ZNHIT3: variants seen among roughly 807,000 people sequenced by gnomAD.
ZNHIT3 encodes zinc finger HIT-type containing 3.
Under a neutral mutation model 19.9 loss-of-function variants are expected in ZNHIT3, and 27 were observed. The ratio of observed to expected loss-of-function variants is 1.36; its 90% CI spans 1.00 to 1.87. The LOEUF (loss-of-function observed/expected upper bound fraction) is 1.87. ZNHIT3 is among the 40% of genes most tolerant of loss of function. ZNHIT3 has a pLI of 0.00. For synonymous variants in ZNHIT3, 81 were observed against 65.7 expected (o/e 1.23, Z -1.13); for missense variants, 215 against 185.6 (o/e 1.16, Z -0.92).
downstream of ZNHIT3, chr17:36,496,374 T>C (rs768098476): frequency 1.9e-6 from 3 of 1,613,946 alleles, no homozygotes; most frequent in Non-Finnish European, 2.5e-6. Context: ...CATACCGCAG[T>C]GGAGACTTTC....
chr17:36,486,800 C>G lies in ZNHIT3; in HGVS notation c.86+15C>G. Reference sequence around the variant, plus strand: ...CGCGTGCCCTAGTGAGCGGGGAGGTCGCGGGGTCCAGGGGCGCGGGTGTCC... The same window carrying G: ...CGCGTGCCCTAGTGAGCGGGGAGGTGGCGGGGTCCAGGGGCGCGGGTGTCC... On this transcript the variant is annotated intron_variant, in intron 1 of 4. Coordinates refer to ENST00000617429, the MANE Select transcript of ZNHIT3 (RefSeq NM_004773.4). The G allele has an allele frequency of 6.3e-7, 1 of 1,583,836 alleles. No homozygotes were observed. The highest frequency in any genetic ancestry group is 1.4e-5 in the African/African-American group (1 of 73,262).
downstream of ZNHIT3, among the ~76,000 whole-genome samples, chr17:36,497,334 AC>A (rs1210131465): frequency 2.0e-5 from 3 of 150,136 alleles, no homozygotes; most frequent in Admixed American, 6.6e-5. Flanking sequence ...AAAAAAAAAA[AC>A]CCACAGAGAA....
chr17:36,493,163 T>C (rs962279146), intron 3 of ZNHIT3: 2 of 521,514 alleles, frequency 3.8e-6, no homozygotes. Flanking sequence ...GGGTTTGCGG[T>C]GGGCCCTGCT....
chr17:36,492,978 G>A (rs1242883618), intron 3 of ZNHIT3, 79 bp downstream of exon 3: 7 of 1,343,986 alleles, frequency 5.2e-6, no homozygotes, highest in Non-Finnish European at 7.5e-6. Context: ...AGTGGGGCTG[G>A]TCAGGGAATC....
At chr17:36,488,225 T>C (rs903554284) in intron 2 of ZNHIT3, among the ~76,000 whole-genome samples, 1 of 151,700 alleles carries the variant, frequency 6.6e-6, no homozygotes, top group African/African-American at 2.4e-5. Flanking sequence ...CTCATTTGAG[T>C]TTATATATTG....
Position 36,493,955 on chromosome 17 carries a change from A to G in ZNHIT3, c.235A>G (p.Asn79Asp), listed in dbSNP as rs145157924. Residue 79 changes from asparagine to aspartate, a missense_variant, in exon 4 of 5, where the codon AAT (asparagine) becomes GAT (aspartate). Physicochemically the swap from Asn to Asp is conservative, Grantham distance 23 (BLOSUM62 1). Coordinates refer to ENST00000617429, the MANE Select transcript of ZNHIT3 (RefSeq NM_004773.4). ...TGATGACTCTATAGCTGATTTTCTC[A>G]ATAGTGATGAGGAAGAAGACAGAGT... ...DDDDSIADFL[N>D]SDEEEDRVSL... 1 of 1,613,816 alleles carries G rather than the reference A, an allele frequency of 6.2e-7. No homozygotes were observed. Among genetic ancestry groups the G allele is most frequent in the African/African-American group, 1.3e-5 (1 of 75,056 alleles).
chr17:36,498,535 T>C (rs374641047), downstream of ZNHIT3: 205 of 1,612,804 alleles, frequency 1.3e-4, 1 homozygote, highest in South Asian at 2.4e-4. Context: ...TCCAGCTCTT[T>C]AGCAGCAAGG....
rs760298652 is a variant in ZNHIT3 at position 36,486,758 on chromosome 17, A to G, written c.59A>G (p.Tyr20Cys). The G allele has an allele frequency of 1.3e-6, 2 of 1,576,684 alleles. No homozygotes were observed. Among genetic ancestry groups the G allele is most frequent in the African/African-American group, 2.7e-5 (2 of 72,856 alleles). Residue 20 changes from tyrosine to cysteine, a missense_variant, in exon 1 of 5, where the codon TAC becomes TGC. Tyr to Cys is a radical substitution (Grantham distance 194, BLOSUM62 -2). Coordinates refer to ENST00000617429, the MANE Select transcript of ZNHIT3 (RefSeq NM_004773.4). ...GTGATCTGCTTGGAGAAGCCCAAAT[A>G]CCGCTGTCCAGCCTGCCGCGTGCCC... The part of the protein sequence containing the change: ...VCVICLEKPK[Y>C]RCPACRVPYC...
intron 2 of ZNHIT3, chr17:36,490,076 G>A (rs1238810142): frequency 2.0e-5 from 3 of 151,692 alleles, no homozygotes; most frequent in Admixed American, 6.6e-5. Context: ...TTGTACAGAA[G>A]CTTTTTTGTG....
downstream of ZNHIT3, chr17:36,496,062 G>T: frequency 2.3e-6 from 2 of 860,632 alleles, no homozygotes; most frequent in Non-Finnish European, 1.8e-6. Context: ...ATCAGTGCTT[G>T]ATGTAGCCTG....
chr17:36,495,850 C>G, downstream of ZNHIT3: 1 of 1,239,858 alleles, frequency 8.1e-7, no homozygotes, highest in Non-Finnish European at 1.0e-6. Context: ...AGGAAATAAC[C>G]ACAAGATTTT....
intron 2 of ZNHIT3, among the ~76,000 whole-genome samples, chr17:36,488,831 C>T (rs555791516): frequency 2.6e-5 from 4 of 152,336 alleles, no homozygotes; most frequent in East Asian, 1.9e-4. Flanking sequence ...TGGGAACACT[C>T]GCAATCCTCT....
At chr17:36,497,435 A>C (rs2071090229), downstream of ZNHIT3, among the ~76,000 whole-genome samples, 1 of 152,148 alleles carries the variant, frequency 6.6e-6, no homozygotes, top group South Asian at 2.1e-4. Context: ...TGCCAAATCC[A>C]GTGCCATTTG....
downstream of ZNHIT3, chr17:36,499,287 T>A: frequency 3.2e-6 from 2 of 622,212 alleles, no homozygotes; most frequent in Non-Finnish European, 2.8e-6. Context: ...TTCAATAAAT[T>A]GCTACAAATA....
chr17:36,496,560 A>T (rs755320578), downstream of ZNHIT3, among the ~76,000 whole-genome samples: 1 of 152,178 alleles, frequency 6.6e-6, no homozygotes, highest in Admixed American at 6.5e-5. Flanking sequence ...ACATCCACTC[A>T]GTGTGAGACA....
chr17:36,493,873 G>C, intron 3 of ZNHIT3, 53 bp from the exon 4 acceptor site: 1 of 1,291,740 alleles, frequency 7.7e-7, no homozygotes, highest in Non-Finnish European at 1.1e-6. Context: ...TTAAAATCTG[G>C]TGCCCAGGCC....
intron 2 of ZNHIT3, chr17:36,489,272 C>T (rs967918469): frequency 1.3e-5 from 2 of 152,152 alleles, no homozygotes; most frequent in South Asian, 4.1e-4. Context: ...GGTATCTCTT[C>T]GGCAGACTGA....
chr17:36,498,808 T>G, downstream of ZNHIT3: 1 of 595,696 alleles, frequency 1.7e-6, no homozygotes, highest in Non-Finnish European at 3.0e-6. Context: ...ATAACTGATA[T>G]GCCATAAAAC....
intron 3 of ZNHIT3, 79 bp from the exon 4 acceptor site, chr17:36,493,847 C>A: frequency 2.1e-6 from 2 of 962,348 alleles, no homozygotes; most frequent in South Asian, 1.4e-5. Flanking sequence ...ACATTTTTAT[C>A]CTGTTCAAGT....
Sources: allele counts gnomAD v4.1 joint callset (sites outside exome capture counted in the v4.1 genomes callset), GRCh38; gene constraint gnomAD v4.1.1; transcripts MANE v1.5; gene names NCBI Gene and HGNC (gene_info 2026-07-23, HGNC 2026-07-21).